The following SERPINA4 variants were observed in gnomAD, a reference collection of about 807,000 sequenced individuals.
SERPINA4 encodes kallistatin.
In SERPINA4, 24 loss-of-function variants were observed where a neutral mutation model predicts 25.4. The observed-to-expected ratio is 0.95, with a 90% CI of 0.69 to 1.33. SERPINA4 has a LOEUF of 1.33. Among genes scored for constraint, SERPINA4 ranks in the 40% most tolerant of loss-of-function variants. The pLI is 0.00. For synonymous variants in SERPINA4, 242 were observed against 223.6 expected, an observed-to-expected ratio of 1.08 and a Z score of -0.73; for missense variants, 553 against 535.8, an observed-to-expected ratio of 1.03 and a Z score of -0.32.
Position 94,568,213 on chromosome 14 carries a change from G to A in SERPINA4, c.1008G>A (p.Leu336=). Residue 336 remains leucine (L), a synonymous_variant, in exon 4 of 5, where the codon CTG becomes CTA. Transcript: ENST00000557004. The part of the protein sequence containing the change: ...SYVLDQILPR[L]GFTDLFSKWA... ...TATTAGATCAGATTTTGCCCAGGCT[G>A]GGCTTCACGGATCTGTTCTCCAAGT... 6.2e-7 allele frequency: 1 copy of A among 1,614,216 alleles called. No individual in the cohort carries two copies.
intron 2 of SERPINA4, 42 bp downstream of exon 2, chr14:94,564,173 G>T (rs74763941): frequency 1.9e-6 from 3 of 1,565,060 alleles, no homozygotes; most frequent in East Asian, 2.2e-5. Flanking sequence ...CCACACCACC[G>T]CCTCCAACCC....
chr14:94,564,765 C>A lies in SERPINA4; in HGVS notation c.649+634C>A, dbSNP rs576906552. Among the ~76,000 whole-genome samples the A allele has an allele frequency of 2.6e-5, 4 of 152,330 alleles. No individual in the cohort carries two copies. In the South Asian group the frequency reaches 6.2e-4, roughly 24 times the overall value. On this transcript the variant is annotated intron_variant, in intron 2 of 4. Coordinates refer to ENST00000557004, the MANE Select transcript of SERPINA4 (RefSeq NM_006215.4). ...CTCTATAAACCTTTTGGTTTGTTGACCCCTGACCATTTTATGTACTCAATA... is the reference window on the plus strand; with the variant it reads ...CTCTATAAACCTTTTGGTTTGTTGAACCCTGACCATTTTATGTACTCAATA...
At chr14:94,568,000 G>C in intron 3 of SERPINA4, 129 bp from the exon 4 acceptor site, 2 of 892,932 alleles carry the variant, frequency 2.2e-6, no homozygotes, top group Admixed American at 4.4e-5. Context: ...GGTCTGAGCC[G>C]AAGCTGTTTG....
rs148837645 is a variant in SERPINA4 at position 94,562,594 on chromosome 14, C to A, written c.-17-872C>A. Among the ~76,000 whole-genome samples, 545 of 152,190 alleles carry A rather than the reference C, an allele frequency of 3.6e-3. 4 individuals are homozygous for A. Among genetic ancestry groups the A allele is most frequent in the East Asian group, 0.011 (59 of 5,176 alleles). ...CTCCAGCTTGGGTGACAGAGTGAGA[C>A]CCTGTCTCAAACAAACAAACAAACA... On this transcript the variant is annotated intron_variant, in intron 1 of 4. Coordinates refer to ENST00000557004, the MANE Select transcript of SERPINA4 (RefSeq NM_006215.4).
In SERPINA4 at chr14:94,563,786, CT is replaced by C; in HGVS notation, c.306del (p.Glu103ArgfsTer43). On this transcript the variant is annotated frameshift_variant, in exon 2 of 5. Coordinates refer to ENST00000557004, the MANE Select transcript of SERPINA4 (RefSeq NM_006215.4). LOFTEE classifies it high-confidence loss of function. ...CTGCTCACACAGCCGCAGCCAGATC[CT>C]TGAGGGCCTGGGCTTCAACCTCACC... ...GACSHSRSQI[L>X]EGLGFNLTEL... The C allele has an allele frequency of 2.5e-6, 4 of 1,614,190 alleles. No homozygotes were observed. The highest frequency in any genetic ancestry group is 3.4e-6 in the Non-Finnish European group (4 of 1,180,046).
Position 94,567,094 on chromosome 14 carries a change from C to G in SERPINA4, c.774C>G (p.Asp258Glu), listed in dbSNP as rs375757385. 1 of 1,614,218 alleles carries G rather than the reference C, an allele frequency of 6.2e-7. No individual in the cohort carries two copies. The highest frequency in any genetic ancestry group is 8.5e-7 in the Non-Finnish European group (1 of 1,180,050). The change falls in exon 3 of 5, where the codon GAC becomes GAG. Residue 258 changes from aspartate to glutamate, a missense_variant. Coordinates refer to ENST00000557004, the MANE Select transcript of SERPINA4 (RefSeq NM_006215.4). ...AGGAGCATCACTGGTATCTTCATGA[C>G]AGATACTTGCCCTGCTCGGTGCTAC... ...QDQEHHWYLH[D>E]RYLPCSVLRM... is the part of the protein sequence containing the mutation.
intron 4 of SERPINA4, among the ~76,000 whole-genome samples, chr14:94,568,827 G>A (rs1459386142): frequency 6.7e-6 from 1 of 148,542 alleles, no homozygotes; most frequent in African/African-American, 2.5e-5. Context: ...TCAGGCCACT[G>A]CACTCCAGCC....
In SERPINA4 at chr14:94,569,449, G is replaced by T. The variant is rs751306367; in HGVS notation, c.1138G>T (p.Ala380Ser). ...TGAGGCTGGCACCGAGGCTGCAGCA[G>T]CCACCAGCTTCGCGATCAAATTCTT... ...VDEAGTEAAA[A>S]TSFAIKFFSA... Residue 380 changes from alanine (A) to serine (S), a missense_variant, in exon 5 of 5, where the codon GCC (alanine) becomes TCC (serine). Physicochemically the swap from Ala to Ser is moderately conservative, Grantham distance 99. Transcript: ENST00000557004. 6.2e-7 allele frequency: 1 copy of T among 1,614,200 alleles called. No homozygotes were observed. The highest frequency in any genetic ancestry group is 8.5e-7 in the Non-Finnish European group (1 of 1,180,042).
At position 94,566,963 on chromosome 14, in the gene SERPINA4, C is replaced by T. The variant is rs2139905555; in HGVS notation, c.650-7C>T. On this transcript the variant is annotated splice_region_variant and splice_polypyrimidine_tract_variant and intron_variant, in intron 2 of 4. Transcript: ENST00000557004. ...TGTCCTGTACCTTCTTTTCATCTTCCCTTCAGCCCTGTGGGAGAAACCATT... is the reference window on the plus strand; with the variant it reads ...TGTCCTGTACCTTCTTTTCATCTTCTCTTCAGCCCTGTGGGAGAAACCATT... The T allele has an allele frequency of 6.2e-7, 1 of 1,608,116 alleles. No individual in the cohort carries two copies. Among genetic ancestry groups the T allele is most frequent in the Non-Finnish European group, 8.5e-7 (1 of 1,176,134 alleles).
chr14:94,567,038 A>G lies in SERPINA4; in HGVS notation c.718A>G (p.Thr240Ala). 6.2e-7 allele frequency: 1 copy of G among 1,614,198 alleles called. No homozygotes were observed. The highest frequency in any genetic ancestry group is 1.6e-4 in the Middle Eastern group (1 of 6,062). ...PKDFYVDENT[T>A]VRVPMMLQDQ... Reference sequence around the variant, plus strand: ...AGACTTCTATGTTGATGAGAACACAACAGTCCGGGTGCCCATGATGCTGCA... The same window carrying G: ...AGACTTCTATGTTGATGAGAACACAGCAGTCCGGGTGCCCATGATGCTGCA... The change falls in exon 3 of 5, where the codon ACA becomes GCA. Residue 240 changes from threonine (T) to alanine (A), a missense_variant. Thr to Ala is a moderately conservative substitution (Grantham distance 58). Transcript: ENST00000557004.
intron 3 of SERPINA4, 54 bp downstream of exon 3, chr14:94,567,297 TTTC>T: frequency 1.3e-6 from 2 of 1,536,668 alleles, no homozygotes; most frequent in Non-Finnish European, 1.7e-6. Context: ...CAAATGTAAC[TTTC>T]TAATGAAAGA....
rs757524773 is a variant in SERPINA4, at chr14:94,563,849, C to A, written c.367C>A (p.His123Asn). The A allele has an allele frequency of 1.2e-5, 19 of 1,614,062 alleles. No individual in the cohort carries two copies. Among genetic ancestry groups the A allele is most frequent in the African/African-American group, 2.7e-5 (2 of 74,932 alleles). Residue 123 changes from histidine to asparagine, a missense_variant, in exon 2 of 5, where the codon CAC (histidine) becomes AAC (asparagine). Physicochemically the swap from His to Asn is moderately conservative, Grantham distance 68. Coordinates refer to ENST00000557004, the MANE Select transcript of SERPINA4 (RefSeq NM_006215.4). ...SESDVHRGFQ[H>N]LLHTLNLPGH... ...GTCCGATGTCCATAGGGGCTTCCAG[C>A]ACCTCCTGCACACTCTCAACCTCCC...
rs766561113 is a variant in SERPINA4, at chr14:94,564,038, G to A, written c.556G>A (p.Val186Ile). 13 of 1,612,342 alleles carry A rather than the reference G, an allele frequency of 8.1e-6. No individual in the cohort carries two copies. The Admixed American group carries it at 8.3e-5, about 10-fold the overall frequency. ...VGTIQLINDH[V>I]KKETRGKIVD... ...CACAATCCAGCTTATCAACGACCACGTCAAGAAGGAAACTCGAGGGAAGAT... is the reference window on the plus strand; with the variant it reads ...CACAATCCAGCTTATCAACGACCACATCAAGAAGGAAACTCGAGGGAAGAT... The change falls in exon 2 of 5, where the codon GTC (valine) becomes ATC (isoleucine). Residue 186 changes from valine (V) to isoleucine (I), a missense_variant. Val to Ile is a conservative substitution (Grantham distance 29). Transcript: ENST00000557004.
intron 2 of SERPINA4, among the ~76,000 whole-genome samples, chr14:94,566,542 C>T (rs904028340): frequency 4.6e-5 from 7 of 152,176 alleles, no homozygotes; most frequent in African/African-American, 1.7e-4. Context: ...ATCTACTCGC[C>T]TCCCTGCATT....
intron 2 of SERPINA4, 81 bp downstream of exon 2, chr14:94,564,212 T>C (rs1010822223): frequency 4.9e-6 from 7 of 1,433,232 alleles, no homozygotes; most frequent in Non-Finnish European, 6.7e-6. Flanking sequence ...TAAATATATT[T>C]TTACAAAAAT....
rs2139909503 is a variant in SERPINA4, at chr14:94,569,543, G to T, written c.1232G>T (p.Ser411Ile). Reference protein sequence around the residue: ...RPFLVVIFSTSTQSVLFLGKV... With the variant: ...RPFLVVIFSTITQSVLFLGKV... Reference sequence around the variant, plus strand: ...TTCCTTGTGGTGATCTTTTCCACCAGCACCCAGAGTGTCCTCTTTCTGGGC... The same window carrying T: ...TTCCTTGTGGTGATCTTTTCCACCATCACCCAGAGTGTCCTCTTTCTGGGC... The change falls in exon 5 of 5, where the codon AGC (serine) becomes ATC (isoleucine). Residue 411 changes from serine to isoleucine, a missense_variant. Coordinates refer to ENST00000557004, the MANE Select transcript of SERPINA4 (RefSeq NM_006215.4). 6.2e-7 allele frequency: 1 copy of T among 1,614,218 alleles called. No homozygotes were observed. The highest frequency in any genetic ancestry group is 2.2e-5 in the East Asian group (1 of 44,880).
At chr14:94,563,407 T>G in intron 1 of SERPINA4, 59 bp from the exon 2 acceptor site, 1 of 1,520,158 alleles carries the variant, frequency 6.6e-7, no homozygotes, top group Non-Finnish European at 8.8e-7. Flanking sequence ...GCCAGCCTTC[T>G]CAGTAGGGCC....
chr14:94,565,458 G>A (rs1035212482), intron 2 of SERPINA4, among the ~76,000 whole-genome samples: 1 of 152,070 alleles, frequency 6.6e-6, no homozygotes, highest in African/African-American at 2.4e-5. Context: ...AAAATTCTAG[G>A]GAGCAACTCC....
intron 3 of SERPINA4, 71 bp downstream of exon 3, chr14:94,567,314 T>A (rs1174736696): frequency 6.7e-7 from 1 of 1,502,610 alleles, no homozygotes; most frequent in Admixed American, 2.0e-5. Context: ...TGAAAGACAG[T>A]GCCCCAAAAT....
Sources: gnomAD v4.1 joint callset for allele counts (sites outside exome capture counted in the v4.1 genomes callset) on GRCh38, gnomAD v4.1.1 for gene constraint, MANE v1.5 for transcripts, NCBI Gene and HGNC (gene_info 2026-07-23, HGNC 2026-07-21) for gene names.